The following VARS2 variants were observed in gnomAD, a reference collection of about 807,000 sequenced individuals.
The protein encoded by VARS2 is valine--tRNA ligase, mitochondrial.
In VARS2, 105 loss-of-function variants were observed where a neutral mutation model predicts 154.1. The observed-to-expected ratio is 0.68, with a 90% CI of 0.58 to 0.80. The LOEUF (loss-of-function observed/expected upper bound fraction) is 0.80, where lower values mean the gene tolerates loss of function less well. VARS2 is among the 30% of genes least tolerant of loss of function. VARS2 has a pLI of 0.00. For missense variants in VARS2, 1,157 were observed against 1,361.4 expected (o/e 0.85, Z 2.36); for synonymous variants, 483 against 539.5 (o/e 0.90, Z 1.45).
chr6:30,926,310 G>T lies in VARS2; in HGVS notation c.*100G>T. 1 of 1,191,964 alleles carries T rather than the reference G, an allele frequency of 8.4e-7. No homozygotes were observed. Among genetic ancestry groups the T allele is most frequent in the Non-Finnish European group, 1.2e-6 (1 of 825,032 alleles). The allele number at this position is 1,191,964 out of a possible 1,614,324, so 73.8% of individuals were successfully genotyped here. ...GCAGTGGGACGTCAGAGACTATGTG[G>T]TCCATCGCCTTCATTGTGTAAATGA... is the stretch of plus-strand genomic sequence containing the variant. On this transcript the variant is annotated 3_prime_UTR_variant, in exon 30 of 30. Transcript: ENST00000676266.
chr6:30,922,021 T>C (rs766625921), intron 19 of VARS2, 26 bp downstream of exon 19: 1 of 1,612,594 alleles, frequency 6.2e-7, no homozygotes, highest in East Asian at 2.2e-5. Context: ...AGGGCGAAAG[T>C]GAAGGGGAAA....
chr6:30,922,234 T>C lies in VARS2; in HGVS notation c.1925T>C (p.Phe642Ser). The change falls in exon 20 of 30, where the codon TTC becomes TCC. Residue 642 changes from phenylalanine to serine, a missense_variant. Physicochemically the swap from Phe to Ser is radical, Grantham distance 155 (BLOSUM62 -2). Coordinates refer to ENST00000676266, the MANE Select transcript of VARS2 (RefSeq NM_020442.6). ...LGTQLTGQLPFSKVLLHPMVR... is the reference protein window; with the variant it reads ...LGTQLTGQLPSSKVLLHPMVR... ...ACCCAGCTCACAGGGCAGCTGCCCT[T>C]CAGCAAGGTAAGAGCCCTTCAGTGC... 6.2e-7 allele frequency: 1 copy of C among 1,611,458 alleles called. No homozygotes were observed. The highest frequency in any genetic ancestry group is 8.5e-7 in the Non-Finnish European group (1 of 1,179,332).
At position 30,916,453 on chromosome 6, in the gene VARS2, C is replaced by CGTGTGTGTGTGT; in HGVS notation, c.671+217_671+228dup. ...GATATTATATATGCATTAGAATATT[C>CGTGTGTGTGTGT]GTGTGTGTGTGTGTGTGTGTGTGTA... is the stretch of plus-strand genomic sequence containing the variant. On this transcript the variant is annotated intron_variant, in intron 7 of 29. Coordinates refer to ENST00000676266, the MANE Select transcript of VARS2 (RefSeq NM_020442.6). This position sits in a 1 kb window ranked among gnomAD's most constrained non-coding sequence, Gnocchi z 4.0. 2.5e-6 allele frequency: 1 copy of CGTGTGTGTGTGT among 398,052 alleles called. No individual in the cohort carries two copies. Among genetic ancestry groups the CGTGTGTGTGTGT allele is most frequent in the East Asian group, 4.7e-5 (1 of 21,398 alleles). 24.7% of individuals were successfully genotyped at this position (398,052 alleles called of 1,614,324 possible).
At chr6:30,926,044 C>G (rs772202435) in intron 29 of VARS2, 36 bp downstream of exon 29, 4 of 1,612,888 alleles carry the variant, frequency 2.5e-6, no homozygotes, top group Non-Finnish European at 3.4e-6. Flanking sequence ...GGCTCCACCC[C>G]TGAGGGAATG....
chr6:30,917,256 G>A lies in VARS2; in HGVS notation c.873+32G>A. 6.2e-7 allele frequency: 1 copy of A among 1,613,776 alleles called. No homozygotes were observed. The highest frequency in any genetic ancestry group is 8.5e-7 in the Non-Finnish European group (1 of 1,180,042). On this transcript the variant is annotated intron_variant, in intron 9 of 29. Transcript: ENST00000676266. The surrounding 1 kb of genome is among the most constrained non-coding windows in gnomAD (Gnocchi z 4.4). Reference sequence around the variant, plus strand: ...CGGAGAGAGGGAAGCAGGTTTGTGAGAGCTCTGAGGCAGAGTGGTCAATGA... The same window carrying A: ...CGGAGAGAGGGAAGCAGGTTTGTGAAAGCTCTGAGGCAGAGTGGTCAATGA...
rs550869161 is a variant in VARS2, at chr6:30,921,728, C to T, written c.1735+37C>T. ...AGCTGGGGAGGGATGTACAGGGGAG[C>T]GGGGGCCTGGGCATCTGGGCCTTTG... On this transcript the variant is annotated intron_variant, in intron 18 of 29. Transcript: ENST00000676266. This position sits in a 1 kb window ranked among gnomAD's most constrained non-coding sequence, Gnocchi z 4.6. The T allele has an allele frequency of 1.2e-5, 18 of 1,564,788 alleles. No individual in the cohort carries two copies. The East Asian group carries it at 1.4e-4, about 12-fold the overall frequency.
In VARS2 at chr6:30,926,108, G is replaced by A. The variant is rs772414093; in HGVS notation, c.3091-1G>A. On this transcript the variant is annotated splice_acceptor_variant, in intron 29 of 29. Transcript: ENST00000676266. LOFTEE classifies it high-confidence loss of function. ...CCTCACCTCCTTTTCTCCTCGTCCA[G>A]CTTTCTTCCCTCCAGCTGGAATTGT... is the stretch of plus-strand genomic sequence containing the variant. The A allele has an allele frequency of 3.5e-5, 57 of 1,612,980 alleles. No homozygotes were observed. The highest frequency in any genetic ancestry group is 4.0e-5 in the Non-Finnish European group (47 of 1,180,044).
chr6:30,915,147 T>G lies in VARS2; in HGVS notation c.202-9T>G. ...CTGGATCCCAGCCTCTTCTGCTTTC[T>G]CTTCTCAGTCACCTGCAGAATCCAT... is the stretch of plus-strand genomic sequence containing the variant. On this transcript the variant is annotated splice_polypyrimidine_tract_variant and intron_variant, in intron 2 of 29. Coordinates refer to ENST00000676266, the MANE Select transcript of VARS2 (RefSeq NM_020442.6). The G allele has an allele frequency of 6.2e-7, 1 of 1,614,016 alleles. No individual in the cohort carries two copies. Among genetic ancestry groups the G allele is most frequent in the Non-Finnish European group, 8.5e-7 (1 of 1,179,888 alleles).
intron 4 of VARS2, 40 bp downstream of exon 4, chr6:30,915,495 G>A (rs747484699): frequency 3.1e-6 from 5 of 1,589,624 alleles, no homozygotes; most frequent in Non-Finnish European, 4.3e-6. Context: ...TTGTCTCCAG[G>A]ACAGAGTGGC....
chr6:30,923,100 C>T lies in VARS2; in HGVS notation c.2186-4C>T, dbSNP rs926248161. ...TGCAGACTACCTCGATTCTTCCCTT[C>T]CAGCGGGCGACTTGCACCTGTCAGT... On this transcript the variant is annotated splice_polypyrimidine_tract_variant and splice_region_variant and intron_variant, in intron 23 of 29. Coordinates refer to ENST00000676266, the MANE Select transcript of VARS2 (RefSeq NM_020442.6). 8 of 1,612,920 alleles carry T rather than the reference C, an allele frequency of 5.0e-6. No homozygotes were observed. Among genetic ancestry groups the T allele is most frequent in the Non-Finnish European group, 6.8e-6 (8 of 1,179,942 alleles).
chr6:30,914,496 AC>A, intron 1 of VARS2, 152 bp downstream of exon 1: 9 of 1,330,358 alleles, frequency 6.8e-6, no homozygotes, highest in South Asian at 6.5e-5. Flanking sequence ...CCCTGGCGGG[AC>A]TCCTTGCTGG....
intron 1 of VARS2, 92 bp downstream of exon 1, chr6:30,914,436 CG>C: frequency 7.9e-7 from 1 of 1,271,708 alleles, no homozygotes; most frequent in Non-Finnish European, 9.9e-7. Flanking sequence ...TTGGCCGCGC[CG>C]GGCTGTGGGC....
intron 10 of VARS2, among the ~76,000 whole-genome samples, chr6:30,918,167 A>G (rs1234196326): frequency 6.6e-6 from 1 of 152,228 alleles, no homozygotes; most frequent in Non-Finnish European, 1.5e-5. Flanking sequence ...TCCCAGGTTC[A>G]AGCGATTCTC....
rs1794347935 is a variant in VARS2 at position 30,919,054 on chromosome 6, C to T, written c.1074+139C>T. 2.7e-6 allele frequency: 2 copies of T among 736,464 alleles called. No individual in the cohort carries two copies. The highest frequency in any genetic ancestry group is 4.5e-6 in the Non-Finnish European group (2 of 446,914). The allele number at this position is 736,464 out of a possible 1,614,324, so 45.6% of individuals were successfully genotyped here. A position where few individuals can be genotyped will look rare whatever the true frequency, so the allele number is the denominator to read the frequency against. ...TCTCTCAGTGGTTCTGATTGGACTCCCTCCTCCTCTTATAGTTTTTCTGTA... is the reference window on the plus strand; with the variant it reads ...TCTCTCAGTGGTTCTGATTGGACTCTCTCCTCCTCTTATAGTTTTTCTGTA... On this transcript the variant is annotated intron_variant, in intron 11 of 29. Transcript: ENST00000676266. The surrounding 1 kb of genome is among the most constrained non-coding windows in gnomAD (Gnocchi z 4.5).
Position 30,921,492 on chromosome 6 carries a change from G to C in VARS2, c.1633-97G>C. 1 of 1,473,650 alleles carries C rather than the reference G, an allele frequency of 6.8e-7. No individual in the cohort carries two copies. Among genetic ancestry groups the C allele is most frequent in the Admixed American group, 2.0e-5 (1 of 50,898 alleles). The allele number at this position is 1,473,650 out of a possible 1,614,324, so 91.3% of individuals were successfully genotyped here. ...TTTATCTCACCCCTGGGGGAACCTG[G>C]CCACTCTAAGACCACATGAGGACGT... On this transcript the variant is annotated intron_variant, in intron 17 of 29. Transcript: ENST00000676266. This position sits in a 1 kb window ranked among gnomAD's most constrained non-coding sequence, Gnocchi z 4.6.
rs575047657 is a variant in VARS2, at chr6:30,923,442, G to C, written c.2403G>C (p.Glu801Asp). The C allele has an allele frequency of 6.2e-7, 1 of 1,612,244 alleles. No individual in the cohort carries two copies. The highest frequency in any genetic ancestry group is 1.7e-5 in the Admixed American group (1 of 60,032). ...QECERGFLTRELSLVTHALHH... is the reference protein window; with the variant it reads ...QECERGFLTRDLSLVTHALHH... ...GTGAGCGGGGCTTCCTCACCCGAGAGCTCTCGCTCGTCACTCATGCCCTGC... is the reference window on the plus strand; with the variant it reads ...GTGAGCGGGGCTTCCTCACCCGAGACCTCTCGCTCGTCACTCATGCCCTGC... Residue 801 changes from glutamate to aspartate, a missense_variant, in exon 25 of 30, where the codon GAG becomes GAC. Coordinates refer to ENST00000676266, the MANE Select transcript of VARS2 (RefSeq NM_020442.6).
intron 10 of VARS2, among the ~76,000 whole-genome samples, chr6:30,918,287 C>T (rs959086920): frequency 3.9e-5 from 6 of 152,150 alleles, no homozygotes; most frequent in Admixed American, 3.3e-4. Flanking sequence ...AGGTTGGTCT[C>T]GAACTCCTGA....
At position 30,925,261 on chromosome 6, in the gene VARS2, C is replaced by T. The variant is rs1381582440; in HGVS notation, c.2674-13C>T. 1.2e-6 allele frequency: 2 copies of T among 1,604,830 alleles called. No individual in the cohort carries two copies. The highest frequency in any genetic ancestry group is 1.7e-6 in the Non-Finnish European group (2 of 1,176,272). On this transcript the variant is annotated splice_polypyrimidine_tract_variant and intron_variant, in intron 26 of 29. Coordinates refer to ENST00000676266, the MANE Select transcript of VARS2 (RefSeq NM_020442.6). ...GAGCCCCTTTGCCAATTCTGGGTCC[C>T]CCCCATTGCCAGGAGCACTGGCGCC...
At position 30,921,679 on chromosome 6, in the gene VARS2, A is replaced by G. The variant is rs1484326151; in HGVS notation, c.1723A>G (p.Thr575Ala). Reference sequence around the variant, plus strand: ...GACAGGGAGGCCAGGGGCAGAGCTGACCCTGGAGAGGGGTGAGTGCCTGAG... The same window carrying G: ...GACAGGGAGGCCAGGGGCAGAGCTGGCCCTGGAGAGGGGTGAGTGCCTGAG... The part of the protein sequence containing the change: ...ELTGRPGAEL[T>A]LERDPDVLDT... The change falls in exon 18 of 30, where the codon ACC becomes GCC. Residue 575 changes from threonine (T) to alanine (A), a missense_variant. By Grantham distance (58) the Thr-to-Ala change is moderately conservative. Coordinates refer to ENST00000676266, the MANE Select transcript of VARS2 (RefSeq NM_020442.6). The surrounding 1 kb of genome is among the most constrained non-coding windows in gnomAD (Gnocchi z 4.6). The G allele has an allele frequency of 6.2e-7, 1 of 1,604,756 alleles. No individual in the cohort carries two copies. Among genetic ancestry groups the G allele is most frequent in the Admixed American group, 1.7e-5 (1 of 58,448 alleles).
Sources: gnomAD v4.1 joint callset for allele counts (sites outside exome capture counted in the v4.1 genomes callset) on GRCh38, gnomAD v4.1.1 for gene constraint, Gnocchi (gnomAD v3.1) non-coding constraint, MANE v1.5 for transcripts, NCBI Gene and HGNC (gene_info 2026-07-23, HGNC 2026-07-21) for gene names.